FRMD4A: variants seen among roughly 807,000 people sequenced by gnomAD.
FRMD4A encodes the protein FERM domain-containing protein 4A.
In FRMD4A, 29 loss-of-function variants were observed where a neutral mutation model predicts 129.1. The observed-to-expected ratio is 0.22, with a 90% CI of 0.17 to 0.31. The LOEUF (loss-of-function observed/expected upper bound fraction) is 0.31. Among genes scored for constraint, FRMD4A ranks in the 10% least tolerant of loss-of-function variants. The pLI is 1.00. For missense variants in FRMD4A, 1,272 were observed against 1,375.8 expected, an observed-to-expected ratio of 0.92 and a Z score of 1.19; for synonymous variants, 634 against 571.6, an observed-to-expected ratio of 1.11 and a Z score of -1.56.
intron 2 of FRMD4A, among the ~76,000 whole-genome samples, chr10:13,947,048 C>T (rs1160699696): frequency 6.6e-6 from 1 of 152,124 alleles, no homozygotes; most frequent in East Asian, 1.9e-4. Flanking sequence ...AAGGTCATCA[C>T]AGAAACCTTC....
intron 2 of FRMD4A, among the ~76,000 whole-genome samples, chr10:14,103,977 C>A (rs1362059707): frequency 6.6e-6 from 1 of 152,224 alleles, no homozygotes; most frequent in Non-Finnish European, 1.5e-5. Flanking sequence ...CAACCAACTA[C>A]AGACAAGGTA....
chr10:14,307,070 G>A (rs1372571265), intron 2 of FRMD4A, among the ~76,000 whole-genome samples: 1 of 152,150 alleles, frequency 6.6e-6, no homozygotes, highest in Non-Finnish European at 1.5e-5. Flanking sequence ...TGCTTCTGCT[G>A]TTTACAAATC....
At chr10:13,960,371 T>C (rs2095438967) in intron 2 of FRMD4A, among the ~76,000 whole-genome samples, 1 of 152,218 alleles carries the variant, frequency 6.6e-6, no homozygotes, top group Admixed American at 6.5e-5. Flanking sequence ...ATTTCTCAGG[T>C]GACACAGAAA....
intron 3 of FRMD4A, among the ~76,000 whole-genome samples, chr10:13,844,818 C>G (rs2094019401): frequency 6.6e-6 from 1 of 152,192 alleles, no homozygotes; most frequent in Non-Finnish European, 1.5e-5. Flanking sequence ...TGGAATGCCT[C>G]TAAACATGTG....
chr10:14,170,313 C>T (rs1407041130), intron 2 of FRMD4A, among the ~76,000 whole-genome samples: 2 of 152,140 alleles, frequency 1.3e-5, no homozygotes, highest in Non-Finnish European at 2.9e-5. Flanking sequence ...CAGGACTCGC[C>T]GGACATGATT....
chr10:14,235,298 G>C (rs188956157), intron 2 of FRMD4A, among the ~76,000 whole-genome samples: 1 of 138,204 alleles, frequency 7.2e-6, no homozygotes, highest in Non-Finnish European at 1.6e-5. Context: ...CCTGGTGCCC[G>C]CCACCATGCC....
intron 2 of FRMD4A, among the ~76,000 whole-genome samples, chr10:14,185,453 G>C (rs972623123): frequency 1.3e-5 from 2 of 152,218 alleles, no homozygotes; most frequent in Admixed American, 1.3e-4. Context: ...TGTCGTGGCA[G>C]AAATTAGTAC....
In FRMD4A at chr10:14,114,887, A is replaced by G. The variant is rs554786966; in HGVS notation, c.45+215171T>C. On this transcript the variant is annotated intron_variant, in intron 2 of 24. Coordinates refer to ENST00000357447, the MANE Select transcript of FRMD4A (RefSeq NM_018027.5). The stretch of plus-strand genomic sequence containing the variant: ...TGCTGAGGGGTTCAGCACTGGATCC[A>G]TGCCGGCCCTCTGCATACTGAATGC... Among the ~76,000 whole-genome samples the G allele has an allele frequency of 5.3e-5, 8 of 152,352 alleles. No individual in the cohort carries two copies. In the East Asian group the frequency reaches 1.5e-3, roughly 29 times the overall value.
rs375463666 is a variant in FRMD4A at position 14,007,019 on chromosome 10, C to T, written c.46-148107G>A. 4.6e-5 allele frequency among the ~76,000 whole-genome samples: 7 copies of T among 151,920 alleles called. No homozygotes were observed. The East Asian group carries it at 5.8e-4, about 13-fold the overall frequency. Reference sequence around the variant, plus strand: ...ACCCGACCTAAGTATTTAGTTAGCCCCTCACATTTTTAAACCTTTAGTTTT... The same window carrying T: ...ACCCGACCTAAGTATTTAGTTAGCCTCTCACATTTTTAAACCTTTAGTTTT... On this transcript the variant is annotated intron_variant, in intron 2 of 24. Coordinates refer to ENST00000357447, the MANE Select transcript of FRMD4A (RefSeq NM_018027.5).
chr10:13,715,606 G>A (rs2088702791), intron 12 of FRMD4A, among the ~76,000 whole-genome samples: 1 of 152,050 alleles, frequency 6.6e-6, no homozygotes, highest in Admixed American at 6.6e-5. Flanking sequence ...ACATAGTGCT[G>A]AAGAAATAAT....
chr10:13,802,003 C>CAAAAAA (rs11426622), intron 4 of FRMD4A, among the ~76,000 whole-genome samples: 16 of 109,470 alleles, frequency 1.5e-4, no homozygotes, highest in South Asian at 3.7e-4. Flanking sequence ...AATAATAATG[C>CAAAAAA]AAAAAAAAAA....
intron 2 of FRMD4A, among the ~76,000 whole-genome samples, chr10:14,267,558 T>C (rs1259311818): frequency 6.6e-6 from 1 of 152,180 alleles, no homozygotes; most frequent in Non-Finnish European, 1.5e-5. Context: ...GAATATCTAT[T>C]TTTATATATA....
At chr10:13,719,749 C>T (rs2089240538) in intron 12 of FRMD4A, among the ~76,000 whole-genome samples, 2 of 152,074 alleles carry the variant, frequency 1.3e-5, no homozygotes, top group Non-Finnish European at 2.9e-5. Flanking sequence ...TACCAGAAGT[C>T]GACAAGCAGG....
intron 2 of FRMD4A, among the ~76,000 whole-genome samples, chr10:14,141,365 C>A (rs1839825242): frequency 6.6e-6 from 1 of 152,152 alleles, no homozygotes; most frequent in Non-Finnish European, 1.5e-5. Flanking sequence ...GCAGGGCACA[C>A]AACCCCTTCA....
At chr10:14,210,732 C>T (rs989721189) in intron 2 of FRMD4A, among the ~76,000 whole-genome samples, 1 of 152,014 alleles carries the variant, frequency 6.6e-6, no homozygotes, top group East Asian at 1.9e-4. Flanking sequence ...TTGTTTGTTT[C>T]TTTGTTTGTT....
At chr10:13,659,791 A>T (rs1564539321) in intron 20 of FRMD4A, among the ~76,000 whole-genome samples, 1 of 150,594 alleles carries the variant, frequency 6.6e-6, no homozygotes, top group Admixed American at 6.6e-5. Context: ...CTGTCCTGGC[A>T]CCCCCCTTGG....
At chr10:14,285,541 T>C (rs1172704909) in intron 2 of FRMD4A, among the ~76,000 whole-genome samples, 1 of 152,250 alleles carries the variant, frequency 6.6e-6, no homozygotes, top group Non-Finnish European at 1.5e-5. Flanking sequence ...CTCCCAACAC[T>C]GCAGCTTCAG....
intron 2 of FRMD4A, among the ~76,000 whole-genome samples, chr10:13,959,408 G>A (rs1485615042): frequency 6.9e-6 from 1 of 144,328 alleles, no homozygotes; most frequent in African/African-American, 2.6e-5. Context: ...GGAGGCAGAG[G>A]TTGCAGTGAG....
intron 15 of FRMD4A, 98 bp downstream of exon 15, chr10:13,693,800 C>T (rs900626888): frequency 4.7e-6 from 6 of 1,282,432 alleles, no homozygotes; most frequent in Non-Finnish European, 3.4e-6. Flanking sequence ...GCAGCTTGCC[C>T]TGCAGTCTCC....
Sources: allele counts gnomAD v4.1 joint callset (sites outside exome capture counted in the v4.1 genomes callset), GRCh38; gene constraint gnomAD v4.1.1; transcripts MANE v1.5; gene names NCBI Gene and HGNC (gene_info 2026-07-23, HGNC 2026-07-21).